SPON1: variants seen among roughly 807,000 people sequenced by gnomAD.
The protein encoded by SPON1 is spondin-1.
SPON1 carries 52 observed loss-of-function variants against 111.7 expected under a neutral mutation model. The observed-to-expected ratio is 0.47, with a 90% CI of 0.37 to 0.59. SPON1 has a LOEUF of 0.59. Ranked by LOEUF, SPON1 falls within the 20% of genes least tolerant of loss-of-function variation. SPON1 has a pLI of 0.00. For synonymous variants in SPON1, 410 were observed against 395.8 expected, an observed-to-expected ratio of 1.04 and a Z score of -0.43; for missense variants, 957 against 1,068.5, an observed-to-expected ratio of 0.90 and a Z score of 1.46.
chr11:14,163,647 G>T (rs1012612232), intron 6 of SPON1, among the ~76,000 whole-genome samples: 1 of 152,110 alleles, frequency 6.6e-6, no homozygotes, highest in Non-Finnish European at 1.5e-5. Context: ...GAATTTTACT[G>T]TCATCACTAT....
At chr11:14,218,862 T>G (rs1273435622) in intron 6 of SPON1, among the ~76,000 whole-genome samples, 3 of 152,226 alleles carry the variant, frequency 2.0e-5, no homozygotes, top group Non-Finnish European at 4.4e-5. Context: ...TGAAATTAGC[T>G]CTGTCTGTTG....
chr11:14,202,955 T>C (rs1415430765), intron 6 of SPON1, among the ~76,000 whole-genome samples: 1 of 152,146 alleles, frequency 6.6e-6, no homozygotes, highest in Non-Finnish European at 1.5e-5. Context: ...AGTGTCTGTC[T>C]ATAATCAACC....
chr11:14,095,385 GAGAT>G (rs1310969942), intron 5 of SPON1, among the ~76,000 whole-genome samples: 1 of 151,156 alleles, frequency 6.6e-6, no homozygotes, highest in African/African-American at 2.4e-5. Flanking sequence ...AGACCAACAG[GAGAT>G]AGATAAATGA....
intron 2 of SPON1, among the ~76,000 whole-genome samples, chr11:13,991,288 T>G (rs554670677): frequency 2.1e-4 from 32 of 152,324 alleles, no homozygotes; most frequent in African/African-American, 7.0e-4. Flanking sequence ...ATTCTTTTTT[T>G]CTCTAATCTT....
intron 5 of SPON1, among the ~76,000 whole-genome samples, chr11:14,107,684 G>C (rs1564906879): frequency 6.6e-6 from 1 of 151,964 alleles, no homozygotes; most frequent in Non-Finnish European, 1.5e-5. Flanking sequence ...GTGGGAGAGA[G>C]AGCAAGTTCT....
intron 6 of SPON1, among the ~76,000 whole-genome samples, chr11:14,185,536 C>A (rs1403100261): frequency 1.3e-5 from 2 of 152,206 alleles, no homozygotes; most frequent in Admixed American, 6.5e-5. Flanking sequence ...TTAGTTAAAC[C>A]TGAGTCTACA....
intron 6 of SPON1, among the ~76,000 whole-genome samples, chr11:14,170,885 A>T (rs1848090638): frequency 6.6e-6 from 1 of 152,072 alleles, no homozygotes; most frequent in African/African-American, 2.4e-5. Flanking sequence ...GTGCTGCTGG[A>T]TTCGGTTTGC....
At chr11:14,224,190 C>T (rs1212214909) in intron 6 of SPON1, among the ~76,000 whole-genome samples, 1 of 152,112 alleles carries the variant, frequency 6.6e-6, no homozygotes, top group Non-Finnish European at 1.5e-5. Flanking sequence ...CACACAGTTC[C>T]TCCCCTTGAA....
chr11:14,200,139 C>CT (rs79622115), intron 6 of SPON1, among the ~76,000 whole-genome samples: 11,345 of 152,116 alleles, frequency 0.075, 553 homozygotes, highest in East Asian at 0.17. Context: ...TCCCTATTCT[C>CT]TATGTTATAT....
chr11:14,133,814 G>A (rs1847554252), intron 5 of SPON1, among the ~76,000 whole-genome samples: 1 of 152,178 alleles, frequency 6.6e-6, no homozygotes, highest in African/African-American at 2.4e-5. Context: ...GGATAAACAT[G>A]GGGTCTGCAT....
intron 5 of SPON1, among the ~76,000 whole-genome samples, chr11:14,116,213 T>A (rs1255401411): frequency 1.3e-5 from 2 of 152,188 alleles, no homozygotes; most frequent in African/African-American, 4.8e-5. Context: ...TTTTCTAATC[T>A]TTTGGTAAAT....
intron 1 of SPON1, 23 bp from the exon 2 acceptor site, chr11:13,982,824 C>A (rs1554909841): frequency 6.7e-7 from 1 of 1,483,310 alleles, no homozygotes; most frequent in South Asian, 1.2e-5. Flanking sequence ...ATACTTAAAA[C>A]CTGCTTTTTT....
intron 3 of SPON1, among the ~76,000 whole-genome samples, chr11:14,066,597 G>A (rs931872846): frequency 6.6e-5 from 10 of 152,108 alleles, no homozygotes; most frequent in Admixed American, 1.3e-4. Flanking sequence ...AAGGATTTCC[G>A]CTCTTTCCTG....
intron 1 of SPON1, among the ~76,000 whole-genome samples, chr11:13,977,668 C>A (rs889357855): frequency 2.0e-5 from 3 of 152,080 alleles, no homozygotes; most frequent in Non-Finnish European, 2.9e-5. Context: ...TTTTGATGAG[C>A]AAAAGTTTGA....
intron 6 of SPON1, among the ~76,000 whole-genome samples, chr11:14,166,030 T>TAGTTAA (rs1848025779): frequency 1.3e-5 from 2 of 152,200 alleles, no homozygotes. Context: ...CTGGGCCTGT[T>TAGTTAA]AGAAAGTGGC....
rs762180663 is a variant in SPON1, at chr11:14,228,621, G to C, written c.826-14711G>C. 0.013 allele frequency among the ~76,000 whole-genome samples: 1,907 copies of C among 152,304 alleles called. 19 individuals are homozygous for C. The highest frequency in any genetic ancestry group is 0.022 in the Non-Finnish European group (1,469 of 68,018). ...TGAGGGTCACCCTGGAAGGAAGTTT[G>C]ACCTCACATTAGGCTGTGTTATCTA... On this transcript the variant is annotated intron_variant, in intron 6 of 15. Transcript: ENST00000576479. The surrounding 1 kb of genome is among the most constrained non-coding windows in gnomAD (Gnocchi z 4.2).
In SPON1 at chr11:14,254,705, C is replaced by T. The variant is rs377616989; in HGVS notation, c.1068C>T (p.Gly356=). ...AAGACCTGATTCCCTGGGACGCTGG[C>T]ACCGACAGCGGGGTGACCTATGAGG... ...VVQDLIPWDA[G]TDSGVTYESP... is the part of the protein sequence containing the mutation. The change falls in exon 8 of 16, where the codon GGC becomes GGT. Residue 356 remains glycine, a synonymous_variant. Transcript: ENST00000576479. 3.8e-5 allele frequency: 61 copies of T among 1,613,808 alleles called. No individual in the cohort carries two copies. Among genetic ancestry groups the T allele is most frequent in the Non-Finnish European group, 4.9e-5 (58 of 1,179,892 alleles).
intron 2 of SPON1, among the ~76,000 whole-genome samples, chr11:14,014,901 T>C (rs1244577333): frequency 6.6e-6 from 1 of 152,236 alleles, no homozygotes; most frequent in African/African-American, 2.4e-5. Context: ...TCTCATTGTA[T>C]AGATGTTACT....
intron 15 of SPON1, among the ~76,000 whole-genome samples, chr11:14,263,992 G>GCACT (rs2096127903): frequency 6.6e-6 from 1 of 150,840 alleles, no homozygotes; most frequent in African/African-American, 2.4e-5. Flanking sequence ...GCACACCATT[G>GCACT]CACTCCAGTC....
Sources: gnomAD v4.1 joint callset for allele counts (sites outside exome capture counted in the v4.1 genomes callset) on GRCh38, gnomAD v4.1.1 for gene constraint, Gnocchi (gnomAD v3.1) non-coding constraint, MANE v1.5 for transcripts, NCBI Gene and HGNC (gene_info 2026-07-23, HGNC 2026-07-21) for gene names.